Variants in FLT4 observed in about 807,000 individuals in gnomAD.
The protein encoded by FLT4 is fms related receptor tyrosine kinase 4, also known as vascular endothelial growth factor receptor 3.
FLT4 carries 30 observed loss-of-function variants against 163.2 expected under a neutral mutation model. The ratio of observed to expected loss-of-function variants is 0.18; its 90% confidence interval spans 0.14 to 0.25. The LOEUF (loss-of-function observed/expected upper bound fraction) is 0.25, where lower values mean the gene tolerates loss of function less well. Ranked by LOEUF, FLT4 falls within the 10% of genes least tolerant of loss-of-function variation. FLT4 has a pLI of 1.00. For synonymous variants in FLT4, 884 were observed against 789.5 expected (o/e 1.12, Z -2.01); for missense variants, 1,510 against 1,863.8 (o/e 0.81, Z 3.50).
chr5:180,606,417 C>G (rs575191151), intron 29 of FLT4, among the ~76,000 whole-genome samples: 21 of 152,166 alleles, frequency 1.4e-4, no homozygotes, highest in Non-Finnish European at 2.4e-4. Context: ...CCAAGGACCT[C>G]GTCACACTCT....
chr5:180,630,847 G>T lies in FLT4; in HGVS notation c.156-48C>A, dbSNP rs1764063056. ...AGGTGGGCCCCAGGGCAGCCCATGG[G>T]GACTGTCCCTGAGAAGCCTCCCTCA... On this transcript the variant is annotated intron_variant, in intron 2 of 29. Coordinates refer to ENST00000261937, the MANE Select transcript of FLT4 (RefSeq NM_182925.5). This position sits in a 1 kb window ranked among gnomAD's most constrained non-coding sequence, Gnocchi z 6.3. The T allele has an allele frequency of 1.9e-6, 3 of 1,560,078 alleles. No individual in the cohort carries two copies. The highest frequency in any genetic ancestry group is 1.7e-6 in the Non-Finnish European group (2 of 1,158,244).
Position 180,636,855 on chromosome 5 carries a change from C to T in FLT4, c.59-5077G>A, listed in dbSNP as rs1362186837. Reference sequence around the variant, plus strand: ...CTCCCGGTGCTGCCCCGTCCTGGTGCGTGGGGTCCGCAGCCGCCTCTCTGC... The same window carrying T: ...CTCCCGGTGCTGCCCCGTCCTGGTGTGTGGGGTCCGCAGCCGCCTCTCTGC... On this transcript the variant is annotated intron_variant, in intron 1 of 29. Coordinates refer to ENST00000261937, the MANE Select transcript of FLT4 (RefSeq NM_182925.5). This position sits in a 1 kb window ranked among gnomAD's most constrained non-coding sequence, Gnocchi z 4.3. Among the ~76,000 whole-genome samples the T allele has an allele frequency of 2.0e-5, 3 of 152,066 alleles. No homozygotes were observed. The highest frequency in any genetic ancestry group is 2.9e-5 in the Non-Finnish European group (2 of 67,980).
Position 180,620,317 on chromosome 5 carries a change from A to T in FLT4, c.2407-9T>A, listed in dbSNP as rs775150613. 6.2e-7 allele frequency: 1 copy of T among 1,609,732 alleles called. No individual in the cohort carries two copies. Among genetic ancestry groups the T allele is most frequent in the Non-Finnish European group, 8.5e-7 (1 of 1,179,790 alleles). ...ATGTCTGCGTGGGCCGGCTGCGGGG[A>T]GGGGACAGGGAGGAGTGGGGCAGCT... On this transcript the variant is annotated splice_polypyrimidine_tract_variant and intron_variant, in intron 16 of 29. Transcript: ENST00000261937. This position sits in a 1 kb window ranked among gnomAD's most constrained non-coding sequence, Gnocchi z 4.4.
chr5:180,630,442 G>A lies in FLT4; in HGVS notation c.401-105C>T. 2 of 1,562,642 alleles carry A rather than the reference G, an allele frequency of 1.3e-6. No homozygotes were observed. The highest frequency in any genetic ancestry group is 2.2e-5 in the South Asian group (2 of 89,240). The stretch of plus-strand genomic sequence containing the variant: ...GGTCCTGAACCAGCCACCCGCTGGA[G>A]CAGGTAGGGCCCCGTTCTCTCCTCC... On this transcript the variant is annotated intron_variant, in intron 3 of 29. Coordinates refer to ENST00000261937, the MANE Select transcript of FLT4 (RefSeq NM_182925.5). The surrounding 1 kb of genome is among the most constrained non-coding windows in gnomAD (Gnocchi z 6.3).
intron 29 of FLT4, 106 bp from the exon 30 acceptor site, chr5:180,603,496 C>T: frequency 9.8e-7 from 1 of 1,019,480 alleles, no homozygotes; most frequent in Non-Finnish European, 1.5e-6. Flanking sequence ...CGGATGGCTT[C>T]AGGCCAGGAG....
intron 10 of FLT4, among the ~76,000 whole-genome samples, 176 bp from the exon 11 acceptor site, chr5:180,624,237 T>C (rs1412811697): frequency 2.7e-5 from 4 of 150,912 alleles, no homozygotes; most frequent in Non-Finnish European, 5.9e-5. Flanking sequence ...GTTTTTTTTT[T>C]TTTTTTGAGA....
intron 10 of FLT4, among the ~76,000 whole-genome samples, 186 bp downstream of exon 10, chr5:180,625,683 C>T (rs576989850): frequency 6.6e-6 from 1 of 152,304 alleles, no homozygotes; most frequent in East Asian, 1.9e-4. Context: ...AGGCTCTGAG[C>T]CTCACTCAGG....
At chr5:180,639,708 G>A (rs1764957448) in intron 1 of FLT4, among the ~76,000 whole-genome samples, 1 of 152,216 alleles carries the variant, frequency 6.6e-6, no homozygotes, top group South Asian at 2.1e-4. Context: ...TCCCTGGGCA[G>A]ATTCAGGCCT....
Position 180,603,940 on chromosome 5 carries a change from G to A in FLT4, c.3894-550C>T, listed in dbSNP as rs530300220. On this transcript the variant is annotated intron_variant, in intron 29 of 29. Transcript: ENST00000261937. Reference sequence around the variant, plus strand: ...AAATTGCTTGAGCCCAGGAGGTGGAGGTTTCAGTGAGCCAAGATCGTGCCG... The same window carrying A: ...AAATTGCTTGAGCCCAGGAGGTGGAAGTTTCAGTGAGCCAAGATCGTGCCG... Among the ~76,000 whole-genome samples, 300 of 151,892 alleles carry A rather than the reference G, an allele frequency of 2.0e-3. 1 individual carries two copies. The highest frequency in any genetic ancestry group is 3.6e-3 in the Non-Finnish European group (247 of 67,970).
At position 180,621,711 on chromosome 5, in the gene FLT4, G is replaced by C; in HGVS notation, c.1851C>G (p.Ala617=). The C allele has an allele frequency of 1.2e-6, 2 of 1,612,846 alleles. No homozygotes were observed. The highest frequency in any genetic ancestry group is 2.2e-5 in the South Asian group (2 of 91,086). ...CCTCCAGGCTGGCGGCCAGAGGGGT[G>C]GCGAACAGATGCACGTTCTTGCAGT... ...LLDCKNVHLF[A]TPLAASLEEV... Residue 617 remains alanine (A), a synonymous_variant, in exon 13 of 30, where the codon GCC becomes GCG. Transcript: ENST00000261937.
At chr5:180,643,928 TCTC>T (rs1765327753) in intron 1 of FLT4, among the ~76,000 whole-genome samples, 1 of 152,002 alleles carries the variant, frequency 6.6e-6, no homozygotes, top group Admixed American at 6.6e-5. Context: ...TTCAAACAGT[TCTC>T]CTGCCTCAGC....
At chr5:180,603,675 C>T (rs375369114) in intron 29 of FLT4, among the ~76,000 whole-genome samples, 12 of 152,254 alleles carry the variant, frequency 7.9e-5, no homozygotes, top group South Asian at 6.2e-4. Flanking sequence ...GAGACCGAGG[C>T]GGGCGGATCA....
At chr5:180,639,519 G>A (rs1764942807) in intron 1 of FLT4, among the ~76,000 whole-genome samples, 1 of 151,850 alleles carries the variant, frequency 6.6e-6, no homozygotes, top group African/African-American at 2.4e-5. Flanking sequence ...TGGATGGAAG[G>A]ATGAATGGAT....
At chr5:180,642,115 G>A (rs1765172477) in intron 1 of FLT4, among the ~76,000 whole-genome samples, 1 of 151,830 alleles carries the variant, frequency 6.6e-6, no homozygotes, top group Non-Finnish European at 1.5e-5. Flanking sequence ...GCTGAGGCAG[G>A]AGAATGGCGT....
At chr5:180,632,205 G>C (rs1764229605) in intron 1 of FLT4, among the ~76,000 whole-genome samples, 1 of 144,608 alleles carries the variant, frequency 6.9e-6, no homozygotes. Flanking sequence ...TTCCCAGAGG[G>C]TCCGCACATC....
chr5:180,626,286 AG>A, intron 8 of FLT4, 21 bp from the exon 9 acceptor site: 2 of 1,609,882 alleles, frequency 1.2e-6, no homozygotes, highest in African/African-American at 1.3e-5. Context: ...AAGGGAGGTC[AG>A]GGCCCATACA....
chr5:180,613,381 C>CGGTA, intron 24 of FLT4: 1 of 437,970 alleles, frequency 2.3e-6, no homozygotes, highest in Non-Finnish European at 4.0e-6. Context: ...ACTGGCGACA[C>CGGTA]GGTAGACATC....
rs1161705616 is a variant in FLT4, at chr5:180,621,899, G to A, written c.1663C>T (p.Pro555Ser). The change falls in exon 13 of 30, where the codon CCC (proline) becomes TCC (serine). Residue 555 changes from proline (P) to serine (S), a missense_variant. Physicochemically the swap from Pro to Ser is moderately conservative, Grantham distance 74. Around this residue, in one of 5 missense-constraint regions of FLT4, gnomAD observed 878 missense variants for 1,016.7 expected, o/e 0.86. Coordinates refer to ENST00000261937, the MANE Select transcript of FLT4 (RefSeq NM_182925.5). ...RLIYFYVTTI[P>S]DGFTIESKPS... Reference sequence around the variant, plus strand: ...TTGGATTCGATGGTGAAGCCGTCGGGGATGGCTGTGGAGGGAGGAAGAAGC... The same window carrying A: ...TTGGATTCGATGGTGAAGCCGTCGGAGATGGCTGTGGAGGGAGGAAGAAGC... 6.2e-7 allele frequency: 1 copy of A among 1,613,314 alleles called. No individual in the cohort carries two copies. Among genetic ancestry groups the A allele is most frequent in the Non-Finnish European group, 8.5e-7 (1 of 1,179,978 alleles).
rs540014376 is a variant in FLT4 at position 180,629,335 on chromosome 5, G to T, written c.909C>A (p.His303Gln). 10 of 1,613,172 alleles carry T rather than the reference G, an allele frequency of 6.2e-6. No individual in the cohort carries two copies. The highest frequency in any genetic ancestry group is 2.2e-5 in the East Asian group (1 of 44,900). The change falls in exon 7 of 30, where the codon CAC becomes CAA. Residue 303 changes from histidine (H) to glutamine (Q), a missense_variant. Coordinates refer to ENST00000261937, the MANE Select transcript of FLT4 (RefSeq NM_182925.5). ...CCTTGCACACATACGAGCCCAGGTC[G>T]TGCTGGCTGACGTTGTGGATGGTCA... The part of the protein sequence containing the change: ...SILTIHNVSQ[H>Q]DLGSYVCKAN...
Sources: gnomAD v4.1 joint callset for allele counts (sites outside exome capture counted in the v4.1 genomes callset) on GRCh38, gnomAD v4.1.1 for gene constraint, gnomAD v4.1.1 regional missense constraint, Gnocchi (gnomAD v3.1) non-coding constraint, MANE v1.5 for transcripts, NCBI Gene and HGNC (gene_info 2026-07-23, HGNC 2026-07-21) for gene names.